Variants in CCSER1 observed in about 807,000 individuals in gnomAD.
The protein encoded by CCSER1 is coiled-coil serine rich protein 1.
Under a neutral mutation model 82.0 loss-of-function variants are expected in CCSER1, and 41 were observed. The observed-to-expected ratio is 0.50, with a 90% CI of 0.39 to 0.65. CCSER1 has a LOEUF of 0.65. Among genes scored for constraint, CCSER1 ranks in the 30% least tolerant of loss-of-function variants. The pLI, the probability that CCSER1 is intolerant of heterozygous loss-of-function variation, is 0.00. For missense variants in CCSER1, 1,119 were observed against 1,064.2 expected (o/e 1.05, Z -0.72); for synonymous variants, 414 against 383.9 (o/e 1.08, Z -0.92).
chr4:90,505,472 G>T (rs936921941), intron 5 of CCSER1, among the ~76,000 whole-genome samples: 1 of 152,182 alleles, frequency 6.6e-6, no homozygotes, highest in African/African-American at 2.4e-5. Flanking sequence ...ATCTTAATTT[G>T]GGGTCTTGGG....
intron 5 of CCSER1, among the ~76,000 whole-genome samples, chr4:90,586,064 G>C (rs1186211923): frequency 6.6e-6 from 1 of 152,160 alleles, no homozygotes; most frequent in African/African-American, 2.4e-5. Flanking sequence ...CCTGATATCA[G>C]TCTGTGGACT....
At chr4:90,950,537 C>G (rs1347100656) in intron 9 of CCSER1, among the ~76,000 whole-genome samples, 2 of 125,454 alleles carry the variant, frequency 1.6e-5, no homozygotes, top group Non-Finnish European at 3.8e-5. Flanking sequence ...CACACACACA[C>G]ATACACACAC....
At chr4:91,431,938 A>C (rs1033381131) in intron 10 of CCSER1, among the ~76,000 whole-genome samples, 1 of 151,728 alleles carries the variant, frequency 6.6e-6, no homozygotes, top group Non-Finnish European at 1.5e-5. Flanking sequence ...AACATAATTG[A>C]TATGGTTTGG....
At chr4:91,483,081 C>A (rs1758032280) in intron 10 of CCSER1, among the ~76,000 whole-genome samples, 1 of 148,842 alleles carries the variant, frequency 6.7e-6, no homozygotes, top group African/African-American at 2.5e-5. Flanking sequence ...TACCCTAGAA[C>A]TTAAAGTATA....
intron 1 of CCSER1, among the ~76,000 whole-genome samples, chr4:90,129,755 G>A (rs987604754): frequency 6.6e-6 from 1 of 152,146 alleles, no homozygotes; most frequent in Non-Finnish European, 1.5e-5. Context: ...ACAAAGCAGA[G>A]TTAAGGATTT....
chr4:91,358,441 C>T (rs1352415691), intron 10 of CCSER1, among the ~76,000 whole-genome samples: 1 of 140,402 alleles, frequency 7.1e-6, no homozygotes, highest in Non-Finnish European at 1.5e-5. Context: ...TCACACCACA[C>T]ATACCACAAG....
intron 10 of CCSER1, among the ~76,000 whole-genome samples, chr4:91,205,083 A>G (rs1332355235): frequency 6.6e-6 from 1 of 151,814 alleles, no homozygotes; most frequent in East Asian, 1.9e-4. Flanking sequence ...ACTGTGATTT[A>G]TAAGATCATT....
chr4:90,266,821 G>C (rs980337711), intron 1 of CCSER1, among the ~76,000 whole-genome samples: 1 of 151,924 alleles, frequency 6.6e-6, no homozygotes, highest in Non-Finnish European at 1.5e-5. Context: ...AAACTGTCTG[G>C]GGTCCTAAAT....
intron 4 of CCSER1, among the ~76,000 whole-genome samples, chr4:90,464,377 A>T (rs1231462052): frequency 6.6e-6 from 1 of 152,242 alleles, no homozygotes; most frequent in Non-Finnish European, 1.5e-5. Flanking sequence ...ATAATTAAAC[A>T]TCGGTTTCTC....
At chr4:91,023,213 T>C (rs1462906618) in intron 9 of CCSER1, among the ~76,000 whole-genome samples, 1 of 152,018 alleles carries the variant, frequency 6.6e-6, no homozygotes, top group Non-Finnish European at 1.5e-5. Context: ...ATCAATATCG[T>C]GAAAATGGCC....
intron 1 of CCSER1, among the ~76,000 whole-genome samples, chr4:90,162,596 TA>T (rs964857679): frequency 1.3e-5 from 2 of 150,874 alleles, no homozygotes; most frequent in African/African-American, 2.4e-5. Flanking sequence ...TATAGAAGTC[TA>T]AAAAAAAAGT....
intron 8 of CCSER1, among the ~76,000 whole-genome samples, chr4:90,855,570 A>G (rs1764368467): frequency 6.6e-6 from 1 of 152,162 alleles, no homozygotes; most frequent in Non-Finnish European, 1.5e-5. Flanking sequence ...ATGTAGTGCA[A>G]TCATTATTCA....
chr4:90,875,470 T>C (rs922641568), intron 8 of CCSER1, among the ~76,000 whole-genome samples: 17 of 152,190 alleles, frequency 1.1e-4, no homozygotes, highest in Non-Finnish European at 2.1e-4. Context: ...TAGAGAATGA[T>C]GTTGAAGTCT....
chr4:90,184,734 G>C lies in CCSER1; in HGVS notation c.-42+56903G>C, dbSNP rs372563112. On this transcript the variant is annotated intron_variant, in intron 1 of 10. Transcript: ENST00000509176. ...TTGGCATAGTTTCTGGACTCCTGGG[G>C]TGAGAAGTGTGAACTCTGAAACAAG... Among the ~76,000 whole-genome samples the C allele has an allele frequency of 1.1e-4, 16 of 152,124 alleles. No homozygotes were observed. The East Asian group carries it at 2.5e-3, about 24-fold the overall frequency.
intron 4 of CCSER1, among the ~76,000 whole-genome samples, chr4:90,452,040 C>G (rs547161019): frequency 7.9e-5 from 12 of 152,192 alleles, no homozygotes; most frequent in Non-Finnish European, 1.5e-4. Context: ...CAAGTGCCCT[C>G]ATGAGGGCAA....
At chr4:90,404,541 G>A (rs1002530507) in intron 4 of CCSER1, among the ~76,000 whole-genome samples, 10 of 152,142 alleles carry the variant, frequency 6.6e-5, no homozygotes, top group Admixed American at 3.3e-4. Context: ...TTACTTCCTG[G>A]CTGGAGGCTG....
chr4:91,149,814 C>T (rs529984179), intron 10 of CCSER1, among the ~76,000 whole-genome samples: 2 of 152,192 alleles, frequency 1.3e-5, no homozygotes, highest in South Asian at 4.1e-4. Context: ...TTTCTGAGGG[C>T]TCTGTTCTGT....
chr4:91,486,490 A>C (rs1349474357), intron 10 of CCSER1, among the ~76,000 whole-genome samples: 6 of 152,146 alleles, frequency 3.9e-5, no homozygotes, highest in Non-Finnish European at 8.8e-5. Flanking sequence ...TTAACTGCTC[A>C]AACAGCAAAA....
chr4:90,234,778 A>G (rs1416324314), intron 1 of CCSER1, among the ~76,000 whole-genome samples: 1 of 152,166 alleles, frequency 6.6e-6, no homozygotes, highest in Non-Finnish European at 1.5e-5. Flanking sequence ...TTTGAGGCAT[A>G]GAGAGGTTAA....
Sources: allele counts gnomAD v4.1 joint callset (sites outside exome capture counted in the v4.1 genomes callset), GRCh38; gene constraint gnomAD v4.1.1; transcripts MANE v1.5; gene names NCBI Gene and HGNC (gene_info 2026-07-23, HGNC 2026-07-21).